The following TANGO2 variants were observed in gnomAD, a reference collection of about 807,000 sequenced individuals.
The protein encoded by TANGO2 is transport and golgi organization 2 homolog, also known as transport and Golgi organization protein 2 homolog.
TANGO2 carries 26 observed loss-of-function variants against 39.1 expected under a neutral mutation model. That is an observed-to-expected ratio of 0.67 (90% confidence interval 0.49 to 0.92). TANGO2 has a LOEUF of 0.92. Ranked by LOEUF, TANGO2 falls within the 40% of genes least tolerant of loss-of-function variation. The probability of loss-of-function intolerance (pLI) is 0.00; values close to 1 mark genes in which losing one functional copy is unlikely to be tolerated. For missense variants in TANGO2, 326 were observed against 360.1 expected (o/e 0.91, Z 0.77); for synonymous variants, 131 against 144.5 (o/e 0.91, Z 0.67).
At chr22:20,048,243 A>G (rs2045625398) in intron 3 of TANGO2, 1 of 152,156 alleles carries the variant, frequency 6.6e-6, no homozygotes, top group Non-Finnish European at 1.5e-5. Flanking sequence ...ATGGTTTTAT[A>G]AGGGGCTTTT....
At chr22:20,060,980 G>A (rs2048279264) in intron 6 of TANGO2, among the ~76,000 whole-genome samples, 1 of 152,156 alleles carries the variant, frequency 6.6e-6, no homozygotes, top group African/African-American at 2.4e-5. Flanking sequence ...CTTGTTCAGA[G>A]TCTGTGCAGA....
At chr22:20,055,849 C>A (rs1169939462) in intron 5 of TANGO2, 94 bp from the exon 6 acceptor site, 11 of 1,170,256 alleles carry the variant, frequency 9.4e-6, no homozygotes, top group Non-Finnish European at 1.4e-5. Context: ...GCGCACATCG[C>A]TAGCCTCCAG....
At chr22:20,043,153 G>A (rs563576823) in intron 2 of TANGO2, among the ~76,000 whole-genome samples, 4 of 152,292 alleles carry the variant, frequency 2.6e-5, no homozygotes, top group East Asian at 1.9e-4. Context: ...TTTCCCGTGC[G>A]GTCCCAGCTG....
At chr22:20,054,728 A>C (rs1171714307) in intron 5 of TANGO2, 1 of 153,250 alleles carries the variant, frequency 6.5e-6, no homozygotes, top group Non-Finnish European at 1.5e-5. Flanking sequence ...ATCGGAGGTC[A>C]GTGAGCAGCC....
chr22:20,053,782 C>T (rs2046855740), intron 5 of TANGO2: 1 of 563,208 alleles, frequency 1.8e-6, no homozygotes, highest in Admixed American at 2.2e-5. Context: ...TGCCGGATCC[C>T]TGGAGAAAGC....
rs2047541847 is a variant in TANGO2, at chr22:20,057,228, C to CAGCTTAGG, written c.451+1215_451+1216insAGCTTAGG. On this transcript the variant is annotated intron_variant, in intron 6 of 8. Transcript: ENST00000327374. This position sits in a 1 kb window ranked among gnomAD's most constrained non-coding sequence, Gnocchi z 4.1. ...CATCTTAGGGGGCTGGTGGTGCTGACGGGCTCATCATGAGTCCTGTGGTCC... is the reference window on the plus strand; with the variant it reads ...CATCTTAGGGGGCTGGTGGTGCTGACAGCTTAGGGGGCTCATCATGAGTCCTGTGGTCC... Among the ~76,000 whole-genome samples the CAGCTTAGG allele has an allele frequency of 6.6e-6, 1 of 152,148 alleles. No homozygotes were observed. The highest frequency in any genetic ancestry group is 1.9e-4 in the East Asian group (1 of 5,192).
At position 20,067,118 on chromosome 22, in the gene TANGO2, A is replaced by C. The variant is rs2049258087; in HGVS notation, c.*2456A>C. ...ATCCAATATGACGGCTATCCTTATA[A>C]AAAGAGGAACATTTAGGCTGGATAC... On this transcript the variant is annotated 3_prime_UTR_variant, in exon 9 of 9. Coordinates refer to ENST00000327374, the MANE Select transcript of TANGO2 (RefSeq NM_152906.7). 1 of 152,174 alleles carries C rather than the reference A, an allele frequency of 6.6e-6. No homozygotes were observed. Among genetic ancestry groups the C allele is most frequent in the Non-Finnish European group, 1.5e-5 (1 of 68,026 alleles). The allele number at this position is 152,174 out of a possible 1,614,324, so 9.4% of individuals were successfully genotyped here.
intron 1 of TANGO2, among the ~76,000 whole-genome samples, chr22:20,034,861 C>T (rs968310151): frequency 1.3e-5 from 2 of 152,218 alleles, no homozygotes; most frequent in Admixed American, 1.3e-4. Context: ...CCTCTGTGGG[C>T]CACGCTCTCC....
intron 3 of TANGO2, among the ~76,000 whole-genome samples, chr22:20,047,374 C>T (rs2045445065): frequency 6.6e-6 from 1 of 151,908 alleles, no homozygotes; most frequent in South Asian, 2.1e-4. Flanking sequence ...GCTGGGATTA[C>T]AGGCGCCTGC....
At chr22:20,045,248 C>CA (rs1427388727) in intron 3 of TANGO2, among the ~76,000 whole-genome samples, 5 of 143,308 alleles carry the variant, frequency 3.5e-5, no homozygotes, top group Non-Finnish European at 7.5e-5. Context: ...CCGGCCTGGG[C>CA]AACGTAGTGA....
At chr22:20,059,477 C>T (rs773020949) in intron 6 of TANGO2, among the ~76,000 whole-genome samples, 123 of 152,216 alleles carry the variant, frequency 8.1e-4, no homozygotes, top group Non-Finnish European at 2.4e-4. Flanking sequence ...CCAAAGCAGC[C>T]GCAGCATTAT....
At chr22:20,049,591 C>T (rs899915002) in intron 3 of TANGO2, among the ~76,000 whole-genome samples, 4 of 147,844 alleles carry the variant, frequency 2.7e-5, no homozygotes, top group African/African-American at 5.0e-5. Context: ...ACCCGGGAGG[C>T]GGAGGTTGCG....
At chr22:20,025,779 G>T (rs2040622824) in intron 1 of TANGO2, among the ~76,000 whole-genome samples, 1 of 152,240 alleles carries the variant, frequency 6.6e-6, no homozygotes, top group African/African-American at 2.4e-5. Context: ...CACCTGCAGA[G>T]TGCCTGGCAT....
intron 2 of TANGO2, among the ~76,000 whole-genome samples, chr22:20,040,582 C>T (rs770546835): frequency 6.6e-6 from 1 of 152,220 alleles, no homozygotes; most frequent in African/African-American, 2.4e-5. Flanking sequence ...CATCCCAGAC[C>T]CTGGCACATC....
chr22:20,035,504 A>G (rs2042675428), intron 1 of TANGO2, among the ~76,000 whole-genome samples: 1 of 152,150 alleles, frequency 6.6e-6, no homozygotes, highest in Non-Finnish European at 1.5e-5. Flanking sequence ...TCGGAATCTA[A>G]TCTCCGTTCT....
At chr22:20,059,227 G>A (rs1255931175) in intron 6 of TANGO2, among the ~76,000 whole-genome samples, 3 of 152,184 alleles carry the variant, frequency 2.0e-5, no homozygotes, top group Admixed American at 2.0e-4. Context: ...GGGAGTTGCT[G>A]AGACAGCTGC....
At chr22:20,037,150 G>T in intron 2 of TANGO2, 2 of 1,490,568 alleles carry the variant, frequency 1.3e-6, no homozygotes. Flanking sequence ...GGGCTTTGAG[G>T]AGGGTCGGGC....
rs191539092 is a variant in TANGO2 at position 20,058,337 on chromosome 22, G to A, written c.451+2324G>A. The A allele has an allele frequency of 2.6e-5, 4 of 152,254 alleles. No homozygotes were observed. The East Asian group carries it at 7.7e-4, about 29-fold the overall frequency. The allele number at this position is 152,254 out of a possible 1,614,324, so 9.4% of individuals were successfully genotyped here. The stretch of plus-strand genomic sequence containing the variant: ...AGGGGACTGACTTTTTTCACTTAGT[G>A]TTGTCGTCTAAAAACTCACCAGTGG... On this transcript the variant is annotated intron_variant, in intron 6 of 8. Coordinates refer to ENST00000327374, the MANE Select transcript of TANGO2 (RefSeq NM_152906.7).
intron 3 of TANGO2, among the ~76,000 whole-genome samples, chr22:20,049,330 C>A (rs1226251015): frequency 6.6e-6 from 1 of 152,170 alleles, no homozygotes; most frequent in Non-Finnish European, 1.5e-5. Context: ...TTGATGCCAA[C>A]ACCATGCAGT....
Sources: allele counts gnomAD v4.1 joint callset (sites outside exome capture counted in the v4.1 genomes callset), GRCh38; gene constraint gnomAD v4.1.1; non-coding constraint Gnocchi (gnomAD v3.1); transcripts MANE v1.5; gene names NCBI Gene and HGNC (gene_info 2026-07-23, HGNC 2026-07-21).